The following BBS5 variants were observed in gnomAD, a reference collection of about 807,000 sequenced individuals.
BBS5 encodes BBSome complex member BBS5.
A neutral mutation model predicts 50.2 loss-of-function variants in BBS5; 39 were observed. The observed-to-expected ratio is 0.78, with a 90% CI of 0.60 to 1.01. The LOEUF (loss-of-function observed/expected upper bound fraction) is 1.01, where lower values mean the gene tolerates loss of function less well. Ranked by LOEUF, BBS5 falls within the 50% of genes least tolerant of loss-of-function variation. The pLI is 0.00. For synonymous variants in BBS5, 134 were observed against 133.1 expected (o/e 1.01, Z -0.05); for missense variants, 356 against 401.5 (o/e 0.89, Z 0.97).
At chr2:169,481,731 A>G (rs1205158924) in intron 1 of BBS5, among the ~76,000 whole-genome samples, 1 of 151,874 alleles carries the variant, frequency 6.6e-6, no homozygotes, top group Non-Finnish European at 1.5e-5. Flanking sequence ...CTTTTCATAC[A>G]GCTCTTCTTT....
intron 7 of BBS5, 56 bp downstream of exon 7, chr2:169,493,892 C>G (rs1683648348): frequency 8.0e-7 from 1 of 1,242,314 alleles, no homozygotes. Flanking sequence ...ATTTTTTGTT[C>G]AATAGTTAAT....
Position 169,479,584 on chromosome 2 carries a change from C to T in BBS5, c.31C>T (p.Arg11Trp), listed in dbSNP as rs771590612. 3.1e-6 allele frequency: 5 copies of T among 1,614,146 alleles called. No individual in the cohort carries two copies. Among genetic ancestry groups the T allele is most frequent in the Non-Finnish European group, 3.4e-6 (4 of 1,179,994 alleles). ...GGTGCTGGATGCGCTTTGGGAGGAT[C>T]GGGATGTCCGTTTCGACCTGTCCGC... is the stretch of plus-strand genomic sequence containing the variant. MSVLDALWEDRDVRFDLSAQQ... is the reference protein window; with the variant it reads MSVLDALWEDWDVRFDLSAQQ... The change falls in exon 1 of 12, where the codon CGG (arginine) becomes TGG (tryptophan). Residue 11 changes from arginine (R) to tryptophan (W), a missense_variant. Arg to Trp is a moderately radical substitution (Grantham distance 101). Coordinates refer to ENST00000295240, the MANE Select transcript of BBS5 (RefSeq NM_152384.3).
At chr2:169,496,135 CTT>C (rs1166603742) in intron 7 of BBS5, among the ~76,000 whole-genome samples, 1 of 152,174 alleles carries the variant, frequency 6.6e-6, no homozygotes, top group Admixed American at 6.5e-5. Flanking sequence ...CTTCTCTGGG[CTT>C]TTGGTCTGCT....
rs1429675086 is a variant in BBS5, at chr2:169,504,625, G to GT, written c.*46dup. On this transcript the variant is annotated 3_prime_UTR_variant, in exon 12 of 12. Transcript: ENST00000295240. Reference sequence around the variant, plus strand: ...TGGATTTCTATTAAAGATATCTCTAGTTTAAAGATACTAGTCACCTGCCAT... The same window carrying GT: ...TGGATTTCTATTAAAGATATCTCTAGTTTTAAAGATACTAGTCACCTGCCAT... 7.1e-7 allele frequency: 1 copy of GT among 1,414,672 alleles called. No homozygotes were observed. The highest frequency in any genetic ancestry group is 1.1e-5 in the South Asian group (1 of 87,024). The allele number at this position is 1,414,672 out of a possible 1,614,324, so 87.6% of individuals were successfully genotyped here.
intron 9 of BBS5, among the ~76,000 whole-genome samples, chr2:169,499,975 T>A (rs1257975836): frequency 1.3e-5 from 2 of 152,204 alleles, no homozygotes; most frequent in African/African-American, 4.8e-5. Context: ...CTTATAGTCC[T>A]CATGAATACC....
chr2:169,497,630 T>C lies in BBS5; in HGVS notation c.622T>C (p.Ser208Pro), dbSNP rs1683716667. The change falls in exon 8 of 12, where the codon TCA (serine) becomes CCA (proline). Residue 208 changes from serine to proline, a missense_variant. Physicochemically the swap from Ser to Pro is moderately conservative, Grantham distance 74. Coordinates refer to ENST00000295240, the MANE Select transcript of BBS5 (RefSeq NM_152384.3). ...TTCTTTTTCATTTTGTATCTAGCGT[T>C]CAATAAAGATTAGAGATTCAAAATT... ...NVSIPYLQIR[S>P]IKIRDSKFGL... The C allele has an allele frequency of 6.3e-7, 1 of 1,580,228 alleles. No individual in the cohort carries two copies. The highest frequency in any genetic ancestry group is 8.7e-7 in the Non-Finnish European group (1 of 1,149,738).
In BBS5 at chr2:169,492,876, C is replaced by T. The variant is rs1418558050; in HGVS notation, c.389C>T (p.Ala130Val). The change falls in exon 6 of 12, where the codon GCT becomes GTT. Residue 130 changes from alanine to valine, a missense_variant and splice_region_variant. Physicochemically the swap from Ala to Val is moderately conservative, Grantham distance 64. Coordinates refer to ENST00000295240, the MANE Select transcript of BBS5 (RefSeq NM_152384.3). ...LFTSVMAVHR[A>V]YETSKMYRDF... The stretch of plus-strand genomic sequence containing the variant: ...CTTTTGTTTGTTCTTTTTCATAGAG[C>T]TTATGAAACTTCTAAAATGTATCGT... 1 of 1,610,948 alleles carries T rather than the reference C, an allele frequency of 6.2e-7. No homozygotes were observed. The highest frequency in any genetic ancestry group is 8.5e-7 in the Non-Finnish European group (1 of 1,178,370).
intron 6 of BBS5, 102 bp downstream of exon 6, chr2:169,493,111 G>A: frequency 3.6e-6 from 5 of 1,384,232 alleles, no homozygotes; most frequent in South Asian, 1.2e-5. Flanking sequence ...GTTAAAATTA[G>A]CATTATAGGA....
At chr2:169,490,948 T>C (rs1037267986) in intron 5 of BBS5, among the ~76,000 whole-genome samples, 1 of 152,214 alleles carries the variant, frequency 6.6e-6, no homozygotes, top group Non-Finnish European at 1.5e-5. Flanking sequence ...ACTTACACAG[T>C]GTGTTCAAGG....
chr2:169,479,702 G>A (rs895894599), intron 1 of BBS5, 90 bp downstream of exon 1: 1 of 1,394,340 alleles, frequency 7.2e-7, no homozygotes, highest in Admixed American at 1.8e-5. Flanking sequence ...CTGCACCTCC[G>A]CAGCTCGCGG....
intron 2 of BBS5, 30 bp downstream of exon 2, chr2:169,482,363 T>C: frequency 7.4e-7 from 1 of 1,348,540 alleles, no homozygotes; most frequent in East Asian, 2.3e-5. Flanking sequence ...TATCTTATAT[T>C]CCTGGTTTAA....
chr2:169,486,005 G>A (rs960008819), intron 2 of BBS5, among the ~76,000 whole-genome samples: 1 of 152,190 alleles, frequency 6.6e-6, no homozygotes, highest in African/African-American at 2.4e-5. Context: ...ATGACTGAAG[G>A]ATGCTATACC....
At chr2:169,488,140 G>A (rs370695574) in intron 5 of BBS5, 26 bp downstream of exon 5, 15 of 1,609,202 alleles carry the variant, frequency 9.3e-6, no homozygotes, top group Non-Finnish European at 1.2e-5. Flanking sequence ...ATGGATTATT[G>A]AATATTTTTT....
chr2:169,505,832 G>C lies in BBS5; in HGVS notation c.*1250G>C, dbSNP rs1467970859. 1.8e-5 allele frequency: 3 copies of C among 163,990 alleles called. No homozygotes were observed. Among genetic ancestry groups the C allele is most frequent in the African/African-American group, 7.3e-5 (3 of 41,356 alleles). 10.2% of individuals were successfully genotyped at this position (163,990 alleles called of 1,614,324 possible). A position where few individuals can be genotyped will look rare whatever the true frequency, so the allele number is the denominator to read the frequency against. ...ACCCAGTCCGGGAGGGAGGTGGGGG[G>C]GTCAGTCCCCCGTCCGGCCAGCCGC... is the stretch of plus-strand genomic sequence containing the variant. On this transcript the variant is annotated 3_prime_UTR_variant, in exon 12 of 12. Transcript: ENST00000295240.
In BBS5 at chr2:169,499,580, C is replaced by T. The variant is rs1246115410; in HGVS notation, c.776C>T (p.Ala259Val). 6.2e-7 allele frequency: 1 copy of T among 1,613,558 alleles called. No individual in the cohort carries two copies. Among genetic ancestry groups the T allele is most frequent in the African/African-American group, 1.3e-5 (1 of 74,992 alleles). ...EINSLHKVYSASPIFGVDYEM... is the reference protein window; with the variant it reads ...EINSLHKVYSVSPIFGVDYEM... ...AATTCACTTCACAAAGTCTATTCTG[C>T]CAGTCCCATATTTGGAGTTGATTAT... is the stretch of plus-strand genomic sequence containing the variant. The change falls in exon 9 of 12, where the codon GCC becomes GTC. Residue 259 changes from alanine to valine, a missense_variant. Coordinates refer to ENST00000295240, the MANE Select transcript of BBS5 (RefSeq NM_152384.3).
chr2:169,479,700 C>T (rs1302523473), intron 1 of BBS5, 88 bp downstream of exon 1: 8 of 1,417,678 alleles, frequency 5.6e-6, no homozygotes, highest in African/African-American at 2.8e-5. Flanking sequence ...GACTGCACCT[C>T]CGCAGCTCGC....
intron 2 of BBS5, among the ~76,000 whole-genome samples, chr2:169,483,814 G>C (rs1559121212): frequency 6.6e-6 from 1 of 152,146 alleles, no homozygotes; most frequent in Non-Finnish European, 1.5e-5. Context: ...GATGAGAGTG[G>C]AGTATGAAGA....
rs1458885422 is a variant in BBS5, at chr2:169,482,238, A to G, written c.60-13A>G. 2 of 1,568,522 alleles carry G rather than the reference A, an allele frequency of 1.3e-6. No individual in the cohort carries two copies. The highest frequency in any genetic ancestry group is 2.2e-5 in the South Asian group (2 of 90,172). ...TTGTAGCTATAAAATTCAAACCTTT[A>G]TATTCACTTTAGGCAAATGAAAACA... is the stretch of plus-strand genomic sequence containing the variant. On this transcript the variant is annotated splice_polypyrimidine_tract_variant and intron_variant, in intron 1 of 11. Coordinates refer to ENST00000295240, the MANE Select transcript of BBS5 (RefSeq NM_152384.3).
chr2:169,504,560 G>A lies in BBS5; in HGVS notation c.1004G>A (p.Gly335Glu). 1.2e-6 allele frequency: 2 copies of A among 1,613,086 alleles called. No homozygotes were observed. Among genetic ancestry groups the A allele is most frequent in the South Asian group, 1.1e-5 (1 of 91,056 alleles). ...TTGAAGGATGGATTCACCCTACAGG[G>A]ACTTTGGGAAGTAATGAGTTGATTG... ...EKLKDGFTLQ[G>E]LWEVMS Residue 335 changes from glycine (G) to glutamate (E), a missense_variant, in exon 12 of 12, where the codon GGA becomes GAA. Transcript: ENST00000295240.
Sources: allele counts gnomAD v4.1 joint callset (sites outside exome capture counted in the v4.1 genomes callset), GRCh38; gene constraint gnomAD v4.1.1; transcripts MANE v1.5; gene names NCBI Gene and HGNC (gene_info 2026-07-23, HGNC 2026-07-21).